SNRPN: variants seen among roughly 807,000 people sequenced by gnomAD.
SNRPN encodes small nuclear ribonucleoprotein polypeptide N, also known as small nuclear ribonucleoprotein-associated protein N.
SNRPN carries 7 observed loss-of-function variants against 25.2 expected under a neutral mutation model. The ratio of observed to expected loss-of-function variants is 0.28; its 90% CI spans 0.16 to 0.52. SNRPN has a LOEUF of 0.52. SNRPN is among the 20% of genes least tolerant of loss of function. The probability of loss-of-function intolerance (pLI) is 0.96; values close to 1 mark genes in which losing one functional copy is unlikely to be tolerated. For synonymous variants in SNRPN, 124 were observed against 110.6 expected, an observed-to-expected ratio of 1.12 and a Z score of -0.76; for missense variants, 196 against 322.5, an observed-to-expected ratio of 0.61 and a Z score of 3.00.
intron 1 of SNRPN, among the ~76,000 whole-genome samples, chr15:24,825,380 G>T (rs947585405): frequency 6.6e-6 from 1 of 151,832 alleles, no homozygotes; most frequent in African/African-American, 2.4e-5. Context: ...TCCCAAATCT[G>T]AAAGAAACTA....
Position 24,883,435 on chromosome 15 carries a change from G to T in SNRPN, c.-578-3081G>T, listed in dbSNP as rs1026519033. Among the ~76,000 whole-genome samples the T allele has an allele frequency of 2.6e-5, 4 of 151,478 alleles. No individual in the cohort carries two copies. The South Asian group carries it at 8.4e-4, about 32-fold the overall frequency. ...GGGCTGAAGCTGGGCACACCCACTGGGTGGCTCAGGGCCAGTTTTATAATC... is the reference window on the plus strand; with the variant it reads ...GGGCTGAAGCTGGGCACACCCACTGTGTGGCTCAGGGCCAGTTTTATAATC... On this transcript the variant is annotated intron_variant, in intron 1 of 11. Coordinates refer to the SNRPN transcript ENST00000400097.
chr15:24,893,735 C>T (rs1465474133), intron 2 of SNRPN, among the ~76,000 whole-genome samples: 1 of 151,910 alleles, frequency 6.6e-6, no homozygotes, highest in African/African-American at 2.4e-5. Flanking sequence ...GACTTGGAAC[C>T]AAAATCCATA....
chr15:24,888,283 A>G (rs968259531), intron 2 of SNRPN, among the ~76,000 whole-genome samples: 2 of 151,792 alleles, frequency 1.3e-5, no homozygotes, highest in Non-Finnish European at 2.9e-5. Context: ...TAATTTTTGT[A>G]TTTTTAGTAG....
At chr15:24,823,670 T>C (rs978056083) in exon 1 of SNRPN, 4 of 152,264 alleles carry the variant, frequency 2.6e-5, no homozygotes, top group Non-Finnish European at 5.9e-5. Context: ...CCGCAGCCAC[T>C]GTAGCTGAGC....
chr15:24,867,289 CT>C (rs2054655139), intron 1 of SNRPN, among the ~76,000 whole-genome samples: 1 of 152,042 alleles, frequency 6.6e-6, no homozygotes, highest in Non-Finnish European at 1.5e-5. Context: ...TATCTTTACT[CT>C]TTTTAATAAT....
chr15:24,875,276 C>G (rs1361229431), intron 1 of SNRPN, among the ~76,000 whole-genome samples: 1 of 152,134 alleles, frequency 6.6e-6, no homozygotes, highest in Non-Finnish European at 1.5e-5. Context: ...TAAAGCCTTA[C>G]AGGAAAAGAG....
intron 3 of SNRPN, among the ~76,000 whole-genome samples, chr15:24,923,078 G>A (rs7167489): frequency 6.6e-6 from 1 of 151,518 alleles, no homozygotes; most frequent in African/African-American, 2.4e-5. Flanking sequence ...GCTAATTTTT[G>A]TATTTTTAGC....
intron 3 of SNRPN, among the ~76,000 whole-genome samples, chr15:24,926,613 A>C (rs1249475343): frequency 7.1e-6 from 1 of 141,424 alleles, no homozygotes; most frequent in African/African-American, 2.7e-5. Context: ...ACATACATGG[A>C]TTCTGGTTTT....
chr15:24,834,749 C>CTATATATATA (rs1416978769), intron 2 of SNRPN, among the ~76,000 whole-genome samples: 2 of 63,064 alleles, frequency 3.2e-5, no homozygotes, highest in Non-Finnish European at 3.1e-5. Flanking sequence ...CTCTCTCTCT[C>CTATATATATA]TCTATATATA....
At chr15:24,917,094 CGATTGGTGCATTTTTACAGAGCACT>C (rs1452112980) in intron 2 of SNRPN, among the ~76,000 whole-genome samples, 6 of 152,222 alleles carry the variant, frequency 3.9e-5, no homozygotes, top group African/African-American at 1.4e-4. Context: ...TACAGAGCAT[CGATTGGTGCATTTTTACAGAGCACT>C]GATTGGTGCA....
rs766822978 is a variant in SNRPN at position 24,962,172 on chromosome 15, G to T, written c.-332G>T. ...GCACGTACCAGAGGTGGAAGTCCAAGTCAAACGCAGAAGGACTGCCTCACT... is the reference window on the plus strand; with the variant it reads ...GCACGTACCAGAGGTGGAAGTCCAATTCAAACGCAGAAGGACTGCCTCACT... On this transcript the variant is annotated 5_prime_UTR_variant, in exon 2 of 10. Coordinates refer to ENST00000390687, the MANE Select transcript of SNRPN (RefSeq NM_003097.6). The T allele has an allele frequency of 6.2e-7, 1 of 1,614,144 alleles. No homozygotes were observed. Among genetic ancestry groups the T allele is most frequent in the East Asian group, 2.2e-5 (1 of 44,860 alleles).
chr15:24,941,291 T>G (rs976677912), intron 3 of SNRPN, among the ~76,000 whole-genome samples: 31 of 152,202 alleles, frequency 2.0e-4, no homozygotes, highest in African/African-American at 7.2e-4. Flanking sequence ...AATGACATTT[T>G]ATATACACAC....
intron 3 of SNRPN, among the ~76,000 whole-genome samples, chr15:24,928,637 C>T (rs1431274048): frequency 1.3e-5 from 2 of 151,368 alleles, no homozygotes; most frequent in African/African-American, 4.9e-5. Context: ...TGTAATTTTC[C>T]CTCTTTTATT....
At position 24,873,809 on chromosome 15, in the gene SNRPN, A is replaced by G. The variant is rs188464944; in HGVS notation, c.-578-12707A>G. ...TCTCTACATCTCATTCCTACCTTCAATGAGGAAATTAGTTCCTGGGATCTG... is the reference window on the plus strand; with the variant it reads ...TCTCTACATCTCATTCCTACCTTCAGTGAGGAAATTAGTTCCTGGGATCTG... On this transcript the variant is annotated intron_variant, in intron 1 of 11. Coordinates refer to the SNRPN transcript ENST00000400097. 1.2e-4 allele frequency among the ~76,000 whole-genome samples: 18 copies of G among 152,186 alleles called. No individual in the cohort carries two copies. In the East Asian group the frequency reaches 3.5e-3, roughly 30 times the overall value.
chr15:24,837,665 G>A (rs762089186), intron 2 of SNRPN, among the ~76,000 whole-genome samples: 36 of 151,828 alleles, frequency 2.4e-4, no homozygotes, highest in Non-Finnish European at 4.0e-4. Context: ...CACCATGCCC[G>A]GCTTGGGGGG....
intron 2 of SNRPN, chr15:24,909,745 A>G (rs2059090505): frequency 8.8e-6 from 11 of 1,250,950 alleles, no homozygotes; most frequent in Admixed American, 3.4e-5. Flanking sequence ...AATCAGTTTT[A>G]CCCTCTCATC....
chr15:24,873,608 T>G (rs944080486), intron 1 of SNRPN, among the ~76,000 whole-genome samples: 1 of 151,918 alleles, frequency 6.6e-6, no homozygotes, highest in Non-Finnish European at 1.5e-5. Context: ...CCACCACGCC[T>G]GCCTAATTTT....
intron 1 of SNRPN, among the ~76,000 whole-genome samples, chr15:24,864,438 G>A (rs141100609): frequency 0.063 from 9,359 of 147,962 alleles, 514 homozygotes; most frequent in East Asian, 0.19. Context: ...CTGCCTCCCG[G>A]GTTCAAGCGA....
At chr15:24,834,181 C>G (rs2050805711) in intron 2 of SNRPN, among the ~76,000 whole-genome samples, 2 of 152,158 alleles carry the variant, frequency 1.3e-5, no homozygotes, top group South Asian at 4.1e-4. Context: ...GCCTTGGCCT[C>G]CCAAAGTGCT....
Sources: gnomAD v4.1 joint callset for allele counts (sites outside exome capture counted in the v4.1 genomes callset) on GRCh38, gnomAD v4.1.1 for gene constraint, MANE v1.5 for transcripts, NCBI Gene and HGNC (gene_info 2026-07-23, HGNC 2026-07-21) for gene names.